The following TMEM132C variants were observed in gnomAD, a reference collection of about 807,000 sequenced individuals.
The protein encoded by TMEM132C is transmembrane protein 132C, also known as protein phosphatase 1, regulatory subunit 152.
A neutral mutation model predicts 61.4 loss-of-function variants in TMEM132C; 29 were observed. The ratio of observed to expected loss-of-function variants is 0.47; its 90% CI spans 0.35 to 0.64. The LOEUF is 0.64. Ranked by LOEUF, TMEM132C falls within the 30% of genes least tolerant of loss-of-function variation. The probability of loss-of-function intolerance (pLI) is 0.00; values close to 1 mark genes in which losing one functional copy is unlikely to be tolerated. For synonymous variants in TMEM132C, 656 were observed against 633.1 expected, an observed-to-expected ratio of 1.04 and a Z score of -0.54; for missense variants, 1,408 against 1,476.9, an observed-to-expected ratio of 0.95 and a Z score of 0.76.
rs540464823 is a variant in TMEM132C, at chr12:128,494,022, G to A, written c.975-49935G>A. ...AGCTCTTATTATTTTGAGATACGTC[G>A]CATCAATACCTAATTTATTGAGAGT... On this transcript the variant is annotated intron_variant, in intron 2 of 8. Transcript: ENST00000435159. Among the ~76,000 whole-genome samples the A allele has an allele frequency of 9.2e-3, 1,391 of 151,546 alleles. 28 individuals are homozygous for A. Among genetic ancestry groups the A allele is most frequent in the African/African-American group, 0.032 (1,303 of 41,296 alleles).
chr12:128,323,550 T>C (rs187780718), intron 1 of TMEM132C, among the ~76,000 whole-genome samples: 58 of 152,364 alleles, frequency 3.8e-4, no homozygotes, highest in African/African-American at 1.4e-3. Context: ...ATCTTTGCTG[T>C]GATAACATTG....
intron 1 of TMEM132C, among the ~76,000 whole-genome samples, chr12:128,383,111 CAT>C (rs56064832): frequency 0.16 from 23,562 of 151,802 alleles, 1,991 homozygotes; most frequent in East Asian, 0.22. Flanking sequence ...CATGTGTATA[CAT>C]GTGTGTGTAT....
intron 1 of TMEM132C, among the ~76,000 whole-genome samples, chr12:128,411,352 G>A (rs1000689348): frequency 6.6e-6 from 1 of 152,144 alleles, no homozygotes; most frequent in East Asian, 1.9e-4. Context: ...TGTGAATGTT[G>A]TCAATGATCA....
intron 2 of TMEM132C, among the ~76,000 whole-genome samples, chr12:128,417,020 G>A (rs1007853146): frequency 1.1e-4 from 16 of 152,108 alleles, no homozygotes; most frequent in African/African-American, 3.6e-4. Context: ...GCGTATCGGC[G>A]GCTTATTGAA....
chr12:128,576,643 C>T (rs1875107522), intron 3 of TMEM132C, among the ~76,000 whole-genome samples: 1 of 152,216 alleles, frequency 6.6e-6, no homozygotes, highest in Admixed American at 6.5e-5. Flanking sequence ...ATCGTCACAT[C>T]CATCCTCTGC....
At chr12:128,272,134 G>T (rs571001668) in intron 1 of TMEM132C, among the ~76,000 whole-genome samples, 1 of 152,242 alleles carries the variant, frequency 6.6e-6, no homozygotes, top group East Asian at 1.9e-4. Flanking sequence ...CTAGGATTGC[G>T]GTATAGAACG....
At chr12:128,623,107 C>T (rs1357061384) in intron 4 of TMEM132C, among the ~76,000 whole-genome samples, 2 of 152,270 alleles carry the variant, frequency 1.3e-5, no homozygotes, top group African/African-American at 4.8e-5. Flanking sequence ...GCCTTGGTAG[C>T]GATGTTTGCA....
At chr12:128,593,709 A>G (rs1178803280) in intron 3 of TMEM132C, among the ~76,000 whole-genome samples, 1 of 152,136 alleles carries the variant, frequency 6.6e-6, no homozygotes, top group Non-Finnish European at 1.5e-5. Flanking sequence ...CTGCACCCTA[A>G]TTACGGGTCC....
At chr12:128,541,253 G>A (rs1873739795) in intron 2 of TMEM132C, among the ~76,000 whole-genome samples, 1 of 152,142 alleles carries the variant, frequency 6.6e-6, no homozygotes, top group Non-Finnish European at 1.5e-5. Context: ...GCCTTCCTGG[G>A]ATACCACCTT....
At chr12:128,665,210 CAG>C (rs1186325037) in intron 4 of TMEM132C, among the ~76,000 whole-genome samples, 1 of 150,080 alleles carries the variant, frequency 6.7e-6, no homozygotes, top group Admixed American at 6.6e-5. Context: ...CATATGTAAA[CAG>C]ACACTCATAC....
At chr12:128,666,705 A>G (rs746984107) in intron 4 of TMEM132C, among the ~76,000 whole-genome samples, 1 of 152,236 alleles carries the variant, frequency 6.6e-6, no homozygotes, top group Non-Finnish European at 1.5e-5. Context: ...GGTTTTAAAT[A>G]CAGGGAACTT....
chr12:128,390,377 C>T (rs1874723985), intron 1 of TMEM132C, among the ~76,000 whole-genome samples: 1 of 151,930 alleles, frequency 6.6e-6, no homozygotes, highest in African/African-American at 2.4e-5. Context: ...TCTAGAGGTG[C>T]CCATGTACCT....
In TMEM132C at chr12:128,449,136, CAAAAAAAAAAAAA is replaced by C. The variant is rs141298455; in HGVS notation, c.974+33528_974+33540del. 2.4e-4 allele frequency among the ~76,000 whole-genome samples: 12 copies of C among 50,724 alleles called. 1 individual carries two copies. The highest frequency in any genetic ancestry group is 1.5e-3 in the South Asian group (2 of 1,352). 33.3% of individuals were successfully genotyped at this position (50,724 alleles called of 152,430 possible). On this transcript the variant is annotated intron_variant, in intron 2 of 8. Coordinates refer to ENST00000435159, the MANE Select transcript of TMEM132C (RefSeq NM_001136103.3). ...TGGGAGGCAGAGCGAGACTCTGTCT[CAAAAAAAAAAAAA>C]AAAAAAAAAAAGAAATTTTATTTAG... is the stretch of plus-strand genomic sequence containing the variant.
At chr12:128,291,555 T>C (rs949895439) in intron 1 of TMEM132C, among the ~76,000 whole-genome samples, 5 of 152,174 alleles carry the variant, frequency 3.3e-5, no homozygotes, top group African/African-American at 7.2e-5. Flanking sequence ...CTGGGAGGGA[T>C]TGGGGTCCCT....
chr12:128,611,341 CT>C (rs1336683340), intron 3 of TMEM132C, among the ~76,000 whole-genome samples: 1 of 152,152 alleles, frequency 6.6e-6, no homozygotes, highest in Non-Finnish European at 1.5e-5. Context: ...TCTCTCCTCT[CT>C]TCTTCATTTC....
chr12:128,561,743 C>T (rs1178859309), intron 3 of TMEM132C, among the ~76,000 whole-genome samples: 1 of 152,152 alleles, frequency 6.6e-6, no homozygotes, highest in Non-Finnish European at 1.5e-5. Context: ...CAATTGCTTG[C>T]AAAAGAGACT....
At chr12:128,392,323 A>G (rs1874794718) in intron 1 of TMEM132C, among the ~76,000 whole-genome samples, 1 of 152,242 alleles carries the variant, frequency 6.6e-6, no homozygotes, top group Non-Finnish European at 1.5e-5. Flanking sequence ...TGCCTGATGC[A>G]AAAGCATATT....
intron 2 of TMEM132C, among the ~76,000 whole-genome samples, chr12:128,477,174 G>A (rs938358249): frequency 6.6e-6 from 1 of 152,164 alleles, no homozygotes; most frequent in Non-Finnish European, 1.5e-5. Flanking sequence ...CCGATTTGGA[G>A]TGGGCTGGTC....
chr12:128,438,955 T>C (rs567385601), intron 2 of TMEM132C: 1 of 152,356 alleles, frequency 6.6e-6, no homozygotes, highest in Admixed American at 6.5e-5. Flanking sequence ...GGGTCTGCTG[T>C]AATAGGAGTG....
Sources: gnomAD v4.1 joint callset for allele counts (sites outside exome capture counted in the v4.1 genomes callset) on GRCh38, gnomAD v4.1.1 for gene constraint, MANE v1.5 for transcripts, NCBI Gene and HGNC (gene_info 2026-07-23, HGNC 2026-07-21) for gene names.